Variants in NAP1L1 observed in about 807,000 individuals in gnomAD.
The protein encoded by NAP1L1 is nucleosome assembly protein 1 like 1.
A neutral mutation model predicts 58.9 loss-of-function variants in NAP1L1; 9 were observed. The observed-to-expected ratio is 0.15, with a 90% confidence interval of 0.09 to 0.27. NAP1L1 has a LOEUF of 0.27. NAP1L1 is among the 10% of genes least tolerant of loss of function. The probability of loss-of-function intolerance (pLI) is 1.00; values close to 1 mark genes in which losing one functional copy is unlikely to be tolerated. For missense variants in NAP1L1, 302 were observed against 458.8 expected (o/e 0.66, Z 3.12); for synonymous variants, 130 against 138.3 (o/e 0.94, Z 0.42).
At chr12:76,048,490 TC>T (rs1252899192) in intron 14 of NAP1L1, 26 bp from the exon 15 acceptor site, 1 of 1,612,640 alleles carries the variant, frequency 6.2e-7, no homozygotes, top group South Asian at 1.1e-5. Context: ...AACAAGTCAA[TC>T]TATCTTCTTC....
intron 1 of NAP1L1, among the ~76,000 whole-genome samples, chr12:76,084,248 G>C (rs1347425420): frequency 6.6e-6 from 1 of 152,130 alleles, no homozygotes; most frequent in Non-Finnish European, 1.5e-5. Flanking sequence ...GGGCACCCGG[G>C]CGTCACCGCG....
rs1948643867 is a variant in NAP1L1 at position 76,047,637 on chromosome 12, A to C, written c.*792T>G. 3 of 152,094 alleles carry C rather than the reference A, an allele frequency of 2.0e-5. No individual in the cohort carries two copies. Among genetic ancestry groups the C allele is most frequent in the Non-Finnish European group, 4.4e-5 (3 of 67,934 alleles). The allele number at this position is 152,094 out of a possible 1,614,324, so 9.4% of individuals were successfully genotyped here. A position where few individuals can be genotyped will look rare whatever the true frequency, so the allele number is the denominator to read the frequency against. Reference sequence around the variant, plus strand: ...TATTTTAGCTGCAAAAACAAAAACAAGCAAACAAACAACAAATAACTTGAA... The same window carrying C: ...TATTTTAGCTGCAAAAACAAAAACACGCAAACAAACAACAAATAACTTGAA... On this transcript the variant is annotated 3_prime_UTR_variant, in exon 15 of 15. Transcript: ENST00000618691.
chr12:76,068,763 C>CAT, intron 3 of NAP1L1, 146 bp downstream of exon 3: 1 of 611,452 alleles, frequency 1.6e-6, no homozygotes, highest in South Asian at 1.9e-5. Context: ...CACACACACA[C>CAT]ACACACACAC....
chr12:76,077,649 TC>T (rs1428999155), intron 1 of NAP1L1, among the ~76,000 whole-genome samples: 1 of 152,084 alleles, frequency 6.6e-6, no homozygotes. Context: ...AAACTTTCAT[TC>T]CTGAAAGCGA....
chr12:76,079,842 C>T (rs908221447), intron 1 of NAP1L1, among the ~76,000 whole-genome samples: 2 of 152,130 alleles, frequency 1.3e-5, no homozygotes, highest in Admixed American at 1.3e-4. Context: ...CATTCTCCAC[C>T]ACACTCAGCT....
intron 4 of NAP1L1, among the ~76,000 whole-genome samples, chr12:76,062,686 C>T (rs1949472021): frequency 6.6e-6 from 1 of 152,154 alleles, no homozygotes; most frequent in Non-Finnish European, 1.5e-5. Flanking sequence ...TTGAAAAGTT[C>T]TACCAGAAGG....
chr12:76,076,163 C>T (rs1270575425), intron 1 of NAP1L1, among the ~76,000 whole-genome samples: 2 of 152,194 alleles, frequency 1.3e-5, no homozygotes, highest in Non-Finnish European at 2.9e-5. Context: ...CTTTGGCTCT[C>T]ATTTCAAAGT....
chr12:76,072,799 G>A (rs1950016653), intron 2 of NAP1L1, among the ~76,000 whole-genome samples: 1 of 152,140 alleles, frequency 6.6e-6, no homozygotes, highest in Non-Finnish European at 1.5e-5. Context: ...GAAGAAAAAT[G>A]ATCCCATCTT....
intron 11 of NAP1L1, 61 bp from the exon 12 acceptor site, chr12:76,050,714 A>C: frequency 6.5e-7 from 1 of 1,547,916 alleles, no homozygotes; most frequent in East Asian, 2.3e-5. Flanking sequence ...TTAATTTGGC[A>C]CATGTAAGAC....
At chr12:76,080,368 C>T (rs575580869) in intron 1 of NAP1L1, among the ~76,000 whole-genome samples, 5 of 152,288 alleles carry the variant, frequency 3.3e-5, no homozygotes, top group South Asian at 2.1e-4. Flanking sequence ...CTATACTATG[C>T]TTTTTGTGGT....
chr12:76,048,151 G>A lies in NAP1L1; in HGVS notation c.*278C>T, dbSNP rs1408410576. 1.5e-5 allele frequency: 6 copies of A among 388,044 alleles called. No homozygotes were observed. In the East Asian group the frequency reaches 2.0e-4, roughly 13 times the overall value. The allele number at this position is 388,044 out of a possible 1,614,324, so 24.0% of individuals were successfully genotyped here. On this transcript the variant is annotated 3_prime_UTR_variant, in exon 15 of 15. Transcript: ENST00000618691. ...TTAACAGTTGTTAATTTTCATAGCT[G>A]TACTCCAAGAGCTACATAAAAATAT...
In NAP1L1 at chr12:76,040,354, C is replaced by G. The variant is rs1044744439; in HGVS notation, c.*8075G>C. ...AACAACTAAGTTGACTCTTGAATAT[C>G]AAATTTGAACTAAGAGGGTCCACTT... On this transcript the variant is annotated 3_prime_UTR_variant, in exon 15 of 15. Transcript: ENST00000618691. The G allele has an allele frequency of 1.3e-5, 2 of 152,078 alleles. No individual in the cohort carries two copies. The highest frequency in any genetic ancestry group is 4.8e-5 in the African/African-American group (2 of 41,384). 9.4% of individuals were successfully genotyped at this position (152,078 alleles called of 1,614,324 possible).
At chr12:76,069,954 A>G (rs1242500732) in intron 2 of NAP1L1, among the ~76,000 whole-genome samples, 1 of 152,216 alleles carries the variant, frequency 6.6e-6, no homozygotes, top group African/African-American at 2.4e-5. Context: ...TTTTATTTTA[A>G]CATTTGGATT....
intron 8 of NAP1L1, 81 bp downstream of exon 8, chr12:76,054,938 T>TG (rs1949011962): frequency 9.8e-7 from 1 of 1,018,584 alleles, no homozygotes; most frequent in Admixed American, 2.3e-5. Flanking sequence ...ACCTTACCCT[T>TG]GAATGTTATC....
chr12:76,059,939 G>A, intron 5 of NAP1L1, 61 bp from the exon 6 acceptor site: 10 of 1,352,996 alleles, frequency 7.4e-6, no homozygotes, highest in Non-Finnish European at 1.0e-5. Context: ...TAAAACCAGT[G>A]GTTTCTCACT....
rs1371161300 is a variant in NAP1L1, at chr12:76,037,033, A to G, written c.*11396T>C. On this transcript the variant is annotated 3_prime_UTR_variant, in exon 15 of 15. Transcript: ENST00000618691. ...CAGTGAGCCAAGATCACGCCACTGC[A>G]CTCCAGCCTGGGCAACAGAGCGAGA... 1 of 152,252 alleles carries G rather than the reference A, an allele frequency of 6.6e-6. No homozygotes were observed. The highest frequency in any genetic ancestry group is 2.4e-5 in the African/African-American group (1 of 41,460). 9.4% of individuals were successfully genotyped at this position (152,252 alleles called of 1,614,324 possible).
At chr12:76,059,639 T>C in intron 6 of NAP1L1, 159 bp downstream of exon 6, 1 of 577,576 alleles carries the variant, frequency 1.7e-6, no homozygotes. Flanking sequence ...TTTTTAAAAA[T>C]AAAGTAATAG....
intron 1 of NAP1L1, among the ~76,000 whole-genome samples, chr12:76,074,643 C>T (rs1950104630): frequency 6.6e-6 from 1 of 152,170 alleles, no homozygotes; most frequent in Non-Finnish European, 1.5e-5. Context: ...GACTACGTAG[C>T]ATCTTAAATC....
intron 1 of NAP1L1, among the ~76,000 whole-genome samples, chr12:76,078,342 C>A (rs1051276111): frequency 1.4e-4 from 21 of 152,218 alleles, no homozygotes; most frequent in African/African-American, 4.8e-4. Context: ...GCCCTCCAAA[C>A]CCCAAGCTAT....
Sources: allele counts gnomAD v4.1 joint callset (sites outside exome capture counted in the v4.1 genomes callset), GRCh38; gene constraint gnomAD v4.1.1; transcripts MANE v1.5; gene names NCBI Gene and HGNC (gene_info 2026-07-23, HGNC 2026-07-21).